The following SLC4A4 variants were observed in gnomAD, a reference collection of about 807,000 sequenced individuals.
The protein encoded by SLC4A4 is solute carrier family 4 member 4.
SLC4A4 carries 27 observed loss-of-function variants against 111.5 expected under a neutral mutation model. That is an observed-to-expected ratio of 0.24 (90% CI 0.18 to 0.33). The LOEUF (loss-of-function observed/expected upper bound fraction) is 0.33, where lower values mean the gene tolerates loss of function less well. Among genes scored for constraint, SLC4A4 ranks in the 10% least tolerant of loss-of-function variants. The pLI, the probability that SLC4A4 is intolerant of heterozygous loss-of-function variation, is 1.00. For synonymous variants in SLC4A4, 443 were observed against 463.4 expected, an observed-to-expected ratio of 0.96 and a Z score of 0.57; for missense variants, 909 against 1,315.5, an observed-to-expected ratio of 0.69 and a Z score of 4.78.
intron 2 of SLC4A4, among the ~76,000 whole-genome samples, chr4:71,148,606 T>A (rs1744241582): frequency 6.6e-6 from 1 of 152,158 alleles, no homozygotes; most frequent in Non-Finnish European, 1.5e-5. Flanking sequence ...CATTCATGTG[T>A]TCTCATCCTT....
chr4:71,305,258 T>C (rs1048967247), intron 3 of SLC4A4, among the ~76,000 whole-genome samples: 9 of 152,206 alleles, frequency 5.9e-5, no homozygotes, highest in African/African-American at 1.7e-4. Flanking sequence ...TTCAGTTAGA[T>C]TTAAGTTCCA....
At chr4:71,157,048 G>C (rs985226894) in intron 2 of SLC4A4, among the ~76,000 whole-genome samples, 7 of 152,090 alleles carry the variant, frequency 4.6e-5, no homozygotes, top group African/African-American at 1.7e-4. Context: ...AATTATGGCT[G>C]GATTACTCAT....
chr4:71,074,053 A>C (rs1741744117), intron 1 of SLC4A4, among the ~76,000 whole-genome samples: 1 of 152,164 alleles, frequency 6.6e-6, no homozygotes, highest in Non-Finnish European at 1.5e-5. Flanking sequence ...AAAAAAATCC[A>C]GGAAAGGTGC....
chr4:71,113,074 T>C (rs9994833), intron 2 of SLC4A4, among the ~76,000 whole-genome samples: 4,289 of 152,218 alleles, frequency 0.028, 79 homozygotes, highest in Middle Eastern at 0.058. Flanking sequence ...CCAGAGGGCA[T>C]GAGGGACTAT....
intron 2 of SLC4A4, among the ~76,000 whole-genome samples, chr4:71,097,227 A>G (rs180683997): frequency 1.3e-5 from 2 of 152,162 alleles, no homozygotes; most frequent in Non-Finnish European, 2.9e-5. Flanking sequence ...CTTTGTGTTC[A>G]TGAGTGCTCC....
intron 15 of SLC4A4, among the ~76,000 whole-genome samples, chr4:71,492,594 A>C (rs1387866520): frequency 6.6e-6 from 1 of 151,980 alleles, no homozygotes; most frequent in Non-Finnish European, 1.5e-5. Flanking sequence ...GTGAGCATTC[A>C]GTAAGTCTTT....
chr4:71,330,144 A>T (rs368934318), intron 3 of SLC4A4, among the ~76,000 whole-genome samples: 2 of 152,302 alleles, frequency 1.3e-5, no homozygotes, highest in African/African-American at 4.8e-5. Context: ...CTATTCTTGC[A>T]TCCCTGGGAT....
intron 16 of SLC4A4, among the ~76,000 whole-genome samples, chr4:71,507,222 A>C (rs1327236786): frequency 6.6e-6 from 1 of 152,184 alleles, no homozygotes. Flanking sequence ...TCATGATGAC[A>C]GGATCAAATC....
chr4:71,475,036 A>G (rs1485313927), intron 14 of SLC4A4, among the ~76,000 whole-genome samples: 1 of 151,984 alleles, frequency 6.6e-6, no homozygotes, highest in East Asian at 2.0e-4. Flanking sequence ...TGGCTTCACA[A>G]ACATTTAATT....
At chr4:71,492,648 C>T (rs766312287) in intron 15 of SLC4A4, among the ~76,000 whole-genome samples, 2 of 151,938 alleles carry the variant, frequency 1.3e-5, no homozygotes, top group Non-Finnish European at 2.9e-5. Context: ...AGCATCTTTG[C>T]TCTTGATGTC....
chr4:71,322,470 C>G (rs1167055192), intron 3 of SLC4A4, among the ~76,000 whole-genome samples: 1 of 152,014 alleles, frequency 6.6e-6, no homozygotes, highest in African/African-American at 2.4e-5. Context: ...TAGCTACTCT[C>G]TATAGCAAAT....
chr4:71,472,754 T>C lies in SLC4A4; in HGVS notation c.1687T>C (p.Phe563Leu). The C allele has an allele frequency of 6.2e-7, 1 of 1,612,972 alleles. No individual in the cohort carries two copies. The highest frequency in any genetic ancestry group is 1.1e-5 in the South Asian group (1 of 91,034). ...CCTTTGGATTGGCCTGTGGTCCGCC[T>C]TCCTATGTCTCATTTTGGTAGCCAC... ...FRLWIGLWSAFLCLILVATDA... is the reference protein window; with the variant it reads ...FRLWIGLWSALLCLILVATDA... The change falls in exon 14 of 26, where the codon TTC becomes CTC. Residue 563 changes from phenylalanine (F) to leucine (L), a missense_variant. Phe to Leu is a conservative substitution (Grantham distance 22). Transcript: ENST00000264485.
chr4:71,259,132 C>T lies in SLC4A4; in HGVS notation c.253+3733C>T, dbSNP rs535622910. 3.9e-5 allele frequency among the ~76,000 whole-genome samples: 6 copies of T among 152,118 alleles called. No individual in the cohort carries two copies. The East Asian group carries it at 1.2e-3, about 29-fold the overall frequency. ...TTCATCCGTGGCAATATAGTGAGAC[C>T]CTGTCTCTACAAAAACATGAAAGGG... On this transcript the variant is annotated intron_variant, in intron 3 of 25. Transcript: ENST00000264485.
chr4:71,240,045 C>T (rs557670182), intron 2 of SLC4A4, among the ~76,000 whole-genome samples: 6 of 152,062 alleles, frequency 3.9e-5, no homozygotes, highest in Admixed American at 1.3e-4. Context: ...ACTCACTTTT[C>T]GTTTCAAACA....
intron 6 of SLC4A4, among the ~76,000 whole-genome samples, chr4:71,392,650 G>A (rs1281602659): frequency 6.6e-6 from 1 of 151,916 alleles, no homozygotes; most frequent in African/African-American, 2.4e-5. Flanking sequence ...AGAGAAAGAA[G>A]GAATTTCATT....
At chr4:71,117,926 G>A (rs1743315955) in intron 2 of SLC4A4, among the ~76,000 whole-genome samples, 1 of 150,272 alleles carries the variant, frequency 6.7e-6, no homozygotes, top group Non-Finnish European at 1.5e-5. Context: ...GCCCAGGCTG[G>A]AGTGTGGTGG....
At chr4:71,255,551 T>A (rs891320781) in intron 3 of SLC4A4, 152 bp downstream of exon 3, 7 of 914,872 alleles carry the variant, frequency 7.7e-6, no homozygotes, top group Admixed American at 1.8e-5. Context: ...GTGGAGATGC[T>A]TTGCTTGTAC....
intron 8 of SLC4A4, among the ~76,000 whole-genome samples, chr4:71,443,268 A>C (rs1162936846): frequency 6.6e-6 from 1 of 150,860 alleles, no homozygotes; most frequent in Non-Finnish European, 1.5e-5. Context: ...CTCCTGCCTC[A>C]ACCTCCTGAG....
intron 3 of SLC4A4, among the ~76,000 whole-genome samples, chr4:71,259,348 G>A (rs1721683501): frequency 6.6e-6 from 1 of 152,082 alleles, no homozygotes; most frequent in Non-Finnish European, 1.5e-5. Context: ...GAGGAAGCGA[G>A]CTAGCTTCGT....
Sources: allele counts gnomAD v4.1 joint callset (sites outside exome capture counted in the v4.1 genomes callset), GRCh38; gene constraint gnomAD v4.1.1; transcripts MANE v1.5; gene names NCBI Gene and HGNC (gene_info 2026-07-23, HGNC 2026-07-21).